LYPD6: variants seen among roughly 807,000 people sequenced by gnomAD.
LYPD6 encodes ly6/PLAUR domain-containing protein 6.
In LYPD6, 15 loss-of-function variants were observed where a neutral mutation model predicts 22.7. The ratio of observed to expected loss-of-function variants is 0.66; its 90% CI spans 0.44 to 1.02. LYPD6 has a LOEUF of 1.02. Among genes scored for constraint, LYPD6 ranks in the 50% least tolerant of loss-of-function variants. The pLI is 0.00. For synonymous variants in LYPD6, 72 were observed against 77.5 expected (o/e 0.93, Z 0.37); for missense variants, 189 against 208.4 (o/e 0.91, Z 0.57).
At chr2:149,445,343 A>G (rs950730188) in intron 2 of LYPD6, among the ~76,000 whole-genome samples, 1 of 152,252 alleles carries the variant, frequency 6.6e-6, no homozygotes, top group African/African-American at 2.4e-5. Context: ...CATTGGCTTC[A>G]ATTTAAAATT....
At chr2:149,351,329 G>A (rs1681353958) in intron 1 of LYPD6, among the ~76,000 whole-genome samples, 1 of 150,528 alleles carries the variant, frequency 6.6e-6, no homozygotes, top group African/African-American at 2.4e-5. Flanking sequence ...GGGAGGTGGA[G>A]GTTGCATTGA....
chr2:149,449,385 A>G (rs1407295503), intron 3 of LYPD6, among the ~76,000 whole-genome samples: 1 of 152,186 alleles, frequency 6.6e-6, no homozygotes, highest in Non-Finnish European at 1.5e-5. Context: ...AGGAGGTGAT[A>G]CCTTCGCCTG....
chr2:149,433,066 A>G (rs1683352639), intron 1 of LYPD6, among the ~76,000 whole-genome samples: 1 of 152,216 alleles, frequency 6.6e-6, no homozygotes, highest in African/African-American at 2.4e-5. Flanking sequence ...CCTTTTACTA[A>G]CTACACATAA....
intron 1 of LYPD6, among the ~76,000 whole-genome samples, chr2:149,417,481 A>T (rs778087266): frequency 1.3e-5 from 2 of 152,222 alleles, no homozygotes; most frequent in East Asian, 3.9e-4. Flanking sequence ...GGCCATAGGC[A>T]TGATGAAGAA....
chr2:149,340,023 A>G (rs1337775049), intron 1 of LYPD6, among the ~76,000 whole-genome samples: 1 of 152,192 alleles, frequency 6.6e-6, no homozygotes, highest in Non-Finnish European at 1.5e-5. Context: ...TCGTAAACCC[A>G]GGATTGTCCT....
chr2:149,334,280 C>G (rs1350100221), intron 1 of LYPD6, among the ~76,000 whole-genome samples: 1 of 151,918 alleles, frequency 6.6e-6, no homozygotes, highest in African/African-American at 2.4e-5. Context: ...AATGGATTTC[C>G]AAAACGATAA....
At chr2:149,341,053 A>G (rs549789130) in intron 1 of LYPD6, among the ~76,000 whole-genome samples, 2 of 152,204 alleles carry the variant, frequency 1.3e-5, no homozygotes, top group Non-Finnish European at 2.9e-5. Context: ...CTGCGTTTAT[A>G]TAGTGGCTTT....
rs1682675934 is a variant in LYPD6, at chr2:149,405,355, A to C, written c.-71-32283A>C. Among the ~76,000 whole-genome samples the C allele has an allele frequency of 3.3e-5, 5 of 152,172 alleles. No homozygotes were observed. In the South Asian group the frequency reaches 1.0e-3, roughly 32 times the overall value. The stretch of plus-strand genomic sequence containing the variant: ...TCTGGTAGAATTTGGCTGTGAATCC[A>C]TCTGGTCCTGGACCCTTTTTGGTTG... On this transcript the variant is annotated intron_variant, in intron 1 of 4. Coordinates refer to ENST00000334166, the MANE Select transcript of LYPD6 (RefSeq NM_194317.5).
chr2:149,442,683 A>C (rs1377347298), intron 2 of LYPD6, among the ~76,000 whole-genome samples: 1 of 152,066 alleles, frequency 6.6e-6, no homozygotes, highest in Non-Finnish European at 1.5e-5. Context: ...ATGCAGTATC[A>C]ATTAGCAAGT....
chr2:149,484,139 C>A, the LYPD6 span, among the ~76,000 whole-genome samples: 6 of 152,208 alleles, frequency 3.9e-5, no homozygotes, highest in Non-Finnish European at 5.9e-5. Flanking sequence ...TTTCCACTTA[C>A]TTGAATTGGA....
chr2:149,376,491 C>G (rs1681924803), intron 1 of LYPD6, among the ~76,000 whole-genome samples: 1 of 151,996 alleles, frequency 6.6e-6, no homozygotes, highest in African/African-American at 2.4e-5. Context: ...GGATAAAGAA[C>G]AAGGTCAGAT....
intron 1 of LYPD6, among the ~76,000 whole-genome samples, chr2:149,359,164 A>G (rs1036870376): frequency 6.6e-6 from 1 of 152,196 alleles, no homozygotes; most frequent in South Asian, 2.1e-4. Context: ...AAAAAAATTA[A>G]CATTATATAT....
intron 1 of LYPD6, among the ~76,000 whole-genome samples, chr2:149,431,226 C>T (rs779005395): frequency 5.3e-5 from 8 of 152,134 alleles, no homozygotes; most frequent in Non-Finnish European, 7.3e-5. Flanking sequence ...TTCAGGGACA[C>T]GATCTGCAGT....
chr2:149,463,614 T>C (rs538520380), intron 3 of LYPD6, among the ~76,000 whole-genome samples: 3 of 152,326 alleles, frequency 2.0e-5, no homozygotes, highest in Admixed American at 6.5e-5. Flanking sequence ...ATAATATCTC[T>C]AAACTGGAAA....
chr2:149,418,180 C>G (rs182091735), intron 1 of LYPD6, among the ~76,000 whole-genome samples: 30 of 152,230 alleles, frequency 2.0e-4, no homozygotes, highest in African/African-American at 6.7e-4. Context: ...TCTTTTTTCT[C>G]CTGTTGATTA....
intron 1 of LYPD6, among the ~76,000 whole-genome samples, chr2:149,406,243 A>C (rs1462545337): frequency 6.6e-6 from 1 of 151,926 alleles, no homozygotes. Context: ...GTAGATGTCT[A>C]TTAGGTCCAC....
rs572808077 is a variant in LYPD6, at chr2:149,357,037, G to A, written c.-72+26315G>A. On this transcript the variant is annotated intron_variant, in intron 1 of 4. Transcript: ENST00000334166. ...TATTTGCTTAAATAGGAGCCATTCT[G>A]TGTTTTTTCCCCAAGTTAATGGTGC... 5.9e-5 allele frequency among the ~76,000 whole-genome samples: 9 copies of A among 152,268 alleles called. No individual in the cohort carries two copies. The South Asian group carries it at 1.0e-3, about 18-fold the overall frequency.
intron 1 of LYPD6, among the ~76,000 whole-genome samples, chr2:149,381,188 A>C (rs943095979): frequency 9.9e-5 from 15 of 152,272 alleles, no homozygotes; most frequent in African/African-American, 3.4e-4. Flanking sequence ...AAGGAAGAGA[A>C]GAATAGTCTG....
chr2:149,442,617 A>G (rs1425114721), intron 2 of LYPD6, among the ~76,000 whole-genome samples: 3 of 150,730 alleles, frequency 2.0e-5, no homozygotes, highest in African/African-American at 7.4e-5. Context: ...CAAATAGCAC[A>G]TCTCTTAGGA....
Sources: allele counts gnomAD v4.1 joint callset (sites outside exome capture counted in the v4.1 genomes callset), GRCh38; gene constraint gnomAD v4.1.1; transcripts MANE v1.5; gene names NCBI Gene and HGNC (gene_info 2026-07-23, HGNC 2026-07-21).